The following PRRC2B variants were observed in gnomAD, a reference collection of about 807,000 sequenced individuals.
PRRC2B encodes the protein protein PRRC2B.
A neutral mutation model predicts 242.3 loss-of-function variants in PRRC2B; 68 were observed. That is an observed-to-expected ratio of 0.28 (90% CI 0.23 to 0.34). The LOEUF (loss-of-function observed/expected upper bound fraction) is 0.34. Ranked by LOEUF, PRRC2B falls within the 10% of genes least tolerant of loss-of-function variation. The probability of loss-of-function intolerance (pLI) is 1.00; values close to 1 mark genes in which losing one functional copy is unlikely to be tolerated. For synonymous variants in PRRC2B, 1,228 were observed against 1,173.6 expected, an observed-to-expected ratio of 1.05 and a Z score of -0.95; for missense variants, 2,835 against 2,954.8, an observed-to-expected ratio of 0.96 and a Z score of 0.94.
intron 16 of PRRC2B, 87 bp downstream of exon 16, chr9:131,476,622 GTGTGTC>G: frequency 7.9e-7 from 1 of 1,262,024 alleles, no homozygotes. Flanking sequence ...CGATGCCGCC[GTGTGTC>G]GGGGCTGGGG....
intron 11 of PRRC2B, among the ~76,000 whole-genome samples, chr9:131,462,336 C>T (rs1159846206): frequency 6.6e-6 from 1 of 152,072 alleles, no homozygotes; most frequent in East Asian, 2.0e-4. Flanking sequence ...CCTCAGCCTC[C>T]CAAGTAGCTG....
At chr9:131,417,494 C>G in intron 1 of PRRC2B, among the ~76,000 whole-genome samples, 1 of 152,100 alleles carries the variant, frequency 6.6e-6, no homozygotes, top group African/African-American at 2.4e-5. Flanking sequence ...ATGCAAGGTG[C>G]CTGCCACCTC....
chr9:131,424,675 G>T (rs1186886672), intron 1 of PRRC2B, among the ~76,000 whole-genome samples: 2 of 152,124 alleles, frequency 1.3e-5, no homozygotes, highest in Non-Finnish European at 2.9e-5. Context: ...GACAGTGTGA[G>T]CCTCTGTCTC....
chr9:131,414,082 A>G (rs1413965681), intron 1 of PRRC2B, among the ~76,000 whole-genome samples: 2 of 152,230 alleles, frequency 1.3e-5, no homozygotes, highest in Non-Finnish European at 2.9e-5. Context: ...AAAAAGATAG[A>G]CAAATAGGCT....
intron 1 of PRRC2B, among the ~76,000 whole-genome samples, chr9:131,384,734 T>G (rs1836806316): frequency 6.6e-6 from 1 of 151,812 alleles, no homozygotes; most frequent in Admixed American, 6.6e-5. Flanking sequence ...TGCACTTTTT[T>G]AGTAGAGACG....
chr9:131,437,057 T>G (rs1838397844), intron 4 of PRRC2B, among the ~76,000 whole-genome samples: 1 of 152,122 alleles, frequency 6.6e-6, no homozygotes, highest in East Asian at 1.9e-4. Flanking sequence ...AAGCGTCACG[T>G]GAGCTCCATG....
chr9:131,464,819 GC>G lies in PRRC2B; in HGVS notation c.1466del (p.Pro489HisfsTer187). ...AGTCCATCGAGGACAAGGAGGACAA[GC>G]CCCCACCAAGGCAGAAGTTCATTCA... The part of the protein sequence containing the change: ...QQSIEDKEDK[P>X]PPRQKFIQSE... On this transcript the variant is annotated frameshift_variant, in exon 12 of 32. Coordinates refer to ENST00000683519, the MANE Select transcript of PRRC2B (RefSeq NM_013318.4). LOFTEE classifies it high-confidence loss of function. 6.2e-7 allele frequency: 1 copy of G among 1,613,202 alleles called. No individual in the cohort carries two copies. The highest frequency in any genetic ancestry group is 8.5e-7 in the Non-Finnish European group (1 of 1,179,400).
Position 131,415,820 on chromosome 9 carries a change from A to AT in PRRC2B, c.-51-14272dup, listed in dbSNP as rs374805721. Among the ~76,000 whole-genome samples the AT allele has an allele frequency of 2.8e-3, 433 of 152,270 alleles. 1 individual carries two copies. Among genetic ancestry groups the AT allele is most frequent in the Middle Eastern group, 0.014 (4 of 294 alleles). On this transcript the variant is annotated intron_variant, in intron 1 of 31. Transcript: ENST00000683519. ...TATCCCTAACATGCTGAAATTTCACATTGTACTTTGTGTTCTTTTTATATC... is the reference window on the plus strand; with the variant it reads ...TATCCCTAACATGCTGAAATTTCACATTTGTACTTTGTGTTCTTTTTATATC...
At chr9:131,418,815 CACAGTGTTTT>C (rs1266850223) in intron 1 of PRRC2B, among the ~76,000 whole-genome samples, 1 of 152,186 alleles carries the variant, frequency 6.6e-6, no homozygotes, top group Non-Finnish European at 1.5e-5. Context: ...GGAATTAATA[CACAGTGTTTT>C]ATGACCCTTA....
upstream of PRRC2B, among the ~76,000 whole-genome samples, chr9:131,390,275 C>T (rs1458106893): frequency 6.7e-6 from 1 of 149,868 alleles, no homozygotes; most frequent in Non-Finnish European, 1.5e-5. Context: ...GGCCCCAGAG[C>T]CTGGCACAGT....
chr9:131,403,897 G>A (rs533965821), intron 1 of PRRC2B, among the ~76,000 whole-genome samples: 4 of 152,018 alleles, frequency 2.6e-5, no homozygotes, highest in South Asian at 4.1e-4. Flanking sequence ...TTTTCCATAC[G>A]TATTTTTAAG....
chr9:131,467,231 G>A (rs993117982), intron 12 of PRRC2B, among the ~76,000 whole-genome samples: 9 of 152,146 alleles, frequency 5.9e-5, no homozygotes, highest in Middle Eastern at 3.2e-3. Context: ...CACTGCACCC[G>A]GCCTTATTAG....
Position 131,482,763 on chromosome 9 carries a change from C to G in PRRC2B, c.5229C>G (p.Gly1743=). The G allele has an allele frequency of 6.2e-7, 1 of 1,612,026 alleles. No homozygotes were observed. The highest frequency in any genetic ancestry group is 8.5e-7 in the Non-Finnish European group (1 of 1,178,990). The change falls in exon 22 of 32, where the codon GGC becomes GGG. Residue 1743 remains glycine (G), a synonymous_variant. Coordinates refer to ENST00000683519, the MANE Select transcript of PRRC2B (RefSeq NM_013318.4). The surrounding 1 kb of genome is among the most constrained non-coding windows in gnomAD (Gnocchi z 5.2). ...AGGAGCACAGACCAGGACCCATCGG[C>G]AACGAGCGTTCTCTGAAAAACAGAA... ...QSKEHRPGPI[G]NERSLKNRKG...
intron 1 of PRRC2B, among the ~76,000 whole-genome samples, chr9:131,373,952 C>G (rs1486017607): frequency 4.0e-5 from 6 of 151,236 alleles, no homozygotes; most frequent in Non-Finnish European, 7.4e-5. Flanking sequence ...CCAGCTACTC[C>G]GGAGGCTAAG....
intron 1 of PRRC2B, 74 bp downstream of exon 1, chr9:131,394,337 G>A (rs1836979070): frequency 6.8e-6 from 1 of 146,506 alleles, no homozygotes; most frequent in South Asian, 1.9e-4. Flanking sequence ...GGCCCGGCCG[G>A]GCTTTGTCTC....
intron 12 of PRRC2B, 85 bp downstream of exon 12, chr9:131,465,163 C>T (rs1943356152): frequency 7.6e-7 from 1 of 1,318,424 alleles, no homozygotes; most frequent in Non-Finnish European, 1.0e-6. Flanking sequence ...TCCTTCTTAG[C>T]TAGCAGAACG....
chr9:131,381,549 G>T (rs557942692), intron 1 of PRRC2B, among the ~76,000 whole-genome samples: 1,548 of 148,596 alleles, frequency 0.01, 40 homozygotes, highest in African/African-American at 0.037. Flanking sequence ...CTCCTGAGTA[G>T]TTGGGACTAC....
intron 1 of PRRC2B, among the ~76,000 whole-genome samples, chr9:131,376,899 C>T (rs538928015): frequency 2.0e-5 from 3 of 152,070 alleles, no homozygotes; most frequent in South Asian, 4.2e-4. Context: ...CCCAGGTACT[C>T]GAGACACTGA....
chr9:131,436,163 T>C (rs1838361734), intron 3 of PRRC2B, among the ~76,000 whole-genome samples: 1 of 152,174 alleles, frequency 6.6e-6, no homozygotes, highest in South Asian at 2.1e-4. Flanking sequence ...CTTTTAGTTT[T>C]TGCAGACAGA....
Sources: gnomAD v4.1 joint callset for allele counts (sites outside exome capture counted in the v4.1 genomes callset) on GRCh38, gnomAD v4.1.1 for gene constraint, Gnocchi (gnomAD v3.1) non-coding constraint, MANE v1.5 for transcripts, NCBI Gene and HGNC (gene_info 2026-07-23, HGNC 2026-07-21) for gene names.